The following SLC35E4 variants were observed in gnomAD, a reference collection of about 807,000 sequenced individuals.
SLC35E4 encodes solute carrier family 35, member E4.
A neutral mutation model predicts 19.3 loss-of-function variants in SLC35E4; 15 were observed. The ratio of observed to expected loss-of-function variants is 0.78; its 90% CI spans 0.52 to 1.20. SLC35E4 has a LOEUF of 1.20. Ranked by LOEUF, SLC35E4 falls within the 50% of genes most tolerant of loss-of-function variation. The pLI, the probability that SLC35E4 is intolerant of heterozygous loss-of-function variation, is 0.00. For missense variants in SLC35E4, 406 were observed against 472.3 expected, an observed-to-expected ratio of 0.86 and a Z score of 1.30; for synonymous variants, 219 against 219.9, an observed-to-expected ratio of 1.00 and a Z score of 0.04.
chr22:30,641,174 AGAGT>A (rs1212272368), intron 1 of SLC35E4, among the ~76,000 whole-genome samples: 1 of 152,184 alleles, frequency 6.6e-6, no homozygotes, highest in Non-Finnish European at 1.5e-5. Context: ...CTGCTGAGAA[AGAGT>A]CAGTGCTTCT....
At chr22:30,666,535 T>C (rs1278117093), downstream of SLC35E4, among the ~76,000 whole-genome samples, 1 of 144,718 alleles carries the variant, frequency 6.9e-6, no homozygotes, top group Non-Finnish European at 1.5e-5. Flanking sequence ...GACGGGAGAA[T>C]TGCTTGAACC....
At chr22:30,657,779 C>T (rs1439278043) in intron 2 of SLC35E4, among the ~76,000 whole-genome samples, 2 of 151,580 alleles carry the variant, frequency 1.3e-5, no homozygotes, top group African/African-American at 4.8e-5. Flanking sequence ...TGGCGGGCAC[C>T]TGTAGTCCCA....
intron 2 of SLC35E4, among the ~76,000 whole-genome samples, chr22:30,660,366 C>T (rs537614206): frequency 9.2e-5 from 14 of 152,020 alleles, no homozygotes; most frequent in South Asian, 6.2e-4. Flanking sequence ...AGCAGAGGCA[C>T]GATCTTGGCT....
chr22:30,652,322 C>T (rs923758790), downstream of SLC35E4: 7 of 152,180 alleles, frequency 4.6e-5, no homozygotes, highest in African/African-American at 1.7e-4. Flanking sequence ...AAGCACTGAT[C>T]TTAGGAGCAG....
chr22:30,664,117 C>T (rs2088571254), downstream of SLC35E4: 1 of 976,132 alleles, frequency 1.0e-6, no homozygotes, highest in Non-Finnish European at 1.5e-6. Flanking sequence ...GGGCAGGTGC[C>T]CAGAGGGCCA....
In SLC35E4 at chr22:30,638,022, C is replaced by T. The variant is rs546325256; in HGVS notation, c.619+953C>T. On this transcript the variant is annotated intron_variant, in intron 1 of 1. Transcript: ENST00000343605. The stretch of plus-strand genomic sequence containing the variant: ...TGACCTTGAGTTGTCATGGCAACCA[C>T]CAACTTTATCCCCATTTTACAGATG... Among the ~76,000 whole-genome samples, 12 of 152,226 alleles carry T rather than the reference C, an allele frequency of 7.9e-5. 1 individual carries two copies. The South Asian group carries it at 2.1e-3, about 26-fold the overall frequency.
downstream of SLC35E4, among the ~76,000 whole-genome samples, chr22:30,664,730 A>T (rs2088588475): frequency 6.6e-6 from 1 of 152,270 alleles, no homozygotes; most frequent in African/African-American, 2.4e-5. Context: ...GTCAAATACA[A>T]AGTCCTAAAT....
downstream of SLC35E4, among the ~76,000 whole-genome samples, chr22:30,666,231 G>A (rs1009533694): frequency 2.0e-5 from 3 of 152,214 alleles, no homozygotes; most frequent in Non-Finnish European, 4.4e-5. Context: ...ATAGAGGAAT[G>A]TGCTGTTCAT....
chr22:30,647,307 A>G lies in SLC35E4; in HGVS notation c.*276A>G. ...CAGCTACATGGGAGGCTAAGGTGGG[A>G]GGATCACTTGAGCCCTGGAGATCGA... On this transcript the variant is annotated 3_prime_UTR_variant, in exon 2 of 2. Transcript: ENST00000343605. 1 of 429,044 alleles carries G rather than the reference A, an allele frequency of 2.3e-6. No homozygotes were observed. Among genetic ancestry groups the G allele is most frequent in the Non-Finnish European group, 4.2e-6 (1 of 239,008 alleles). 26.6% of individuals were successfully genotyped at this position (429,044 alleles called of 1,614,324 possible). A position where few individuals can be genotyped will look rare whatever the true frequency, so the allele number is the denominator to read the frequency against.
downstream of SLC35E4, among the ~76,000 whole-genome samples, chr22:30,649,805 C>G (rs1418382459): frequency 1.3e-5 from 2 of 149,812 alleles, no homozygotes; most frequent in Non-Finnish European, 3.0e-5. Context: ...GTACCACCCT[C>G]ATTTCTAGGC....
chr22:30,659,913 T>G (rs1325477531), intron 2 of SLC35E4, among the ~76,000 whole-genome samples: 1 of 152,170 alleles, frequency 6.6e-6, no homozygotes. Context: ...GTGAGAAGAA[T>G]TCAACCTATT....
At chr22:30,657,023 A>C (rs2088351013) in intron 2 of SLC35E4, among the ~76,000 whole-genome samples, 1 of 152,228 alleles carries the variant, frequency 6.6e-6, no homozygotes, top group Non-Finnish European at 1.5e-5. Context: ...CAACTATGAA[A>C]AAAATGCTCA....
chr22:30,649,137 G>T, downstream of SLC35E4: 1 of 715,372 alleles, frequency 1.4e-6, no homozygotes, highest in Non-Finnish European at 2.6e-6. Flanking sequence ...CTGCCCACCT[G>T]ACTGGGAGCC....
chr22:30,657,728 C>G (rs1226450652), intron 2 of SLC35E4, among the ~76,000 whole-genome samples: 1 of 150,808 alleles, frequency 6.6e-6, no homozygotes, highest in Non-Finnish European at 1.5e-5. Flanking sequence ...CACGGTGAAA[C>G]CCCATCTCTA....
intron 1 of SLC35E4, among the ~76,000 whole-genome samples, chr22:30,644,054 A>G (rs2088088523): frequency 6.6e-6 from 1 of 152,084 alleles, no homozygotes; most frequent in South Asian, 2.1e-4. Context: ...AGAGGGTGAA[A>G]TTTACCAAAG....
At chr22:30,667,420 G>C (rs2088716721), downstream of SLC35E4, 1 of 152,220 alleles carries the variant, frequency 6.6e-6, no homozygotes, top group Non-Finnish European at 1.5e-5. Flanking sequence ...CATTGGAATA[G>C]GCTTCTTCGC....
downstream of SLC35E4, among the ~76,000 whole-genome samples, chr22:30,666,519 G>A (rs922947893): frequency 6.6e-6 from 1 of 150,630 alleles, no homozygotes; most frequent in African/African-American, 2.5e-5. Flanking sequence ...CTACTCAGGA[G>A]GCTGAGACGG....
rs2088139832 is a variant in SLC35E4 at position 30,646,835 on chromosome 22, T to A, written c.857T>A (p.Val286Asp). 2 of 1,614,096 alleles carry A rather than the reference T, an allele frequency of 1.2e-6. No homozygotes were observed. The highest frequency in any genetic ancestry group is 3.3e-5 in the Admixed American group (2 of 60,004). The stretch of plus-strand genomic sequence containing the variant: ...CTCACCTCTGCCCTCACCGTCCACG[T>A]CCTGGGCAACCTCACCGTGGTGGGC... ...LALTSALTVH[V>D]LGNLTVVGNL... The change falls in exon 2 of 2, where the codon GTC (valine) becomes GAC (aspartate). Residue 286 changes from valine to aspartate, a missense_variant. Coordinates refer to ENST00000343605, the MANE Select transcript of SLC35E4 (RefSeq NM_001001479.4).
intron 1 of SLC35E4, among the ~76,000 whole-genome samples, chr22:30,640,297 G>A (rs1234197291): frequency 6.6e-6 from 1 of 151,356 alleles, no homozygotes; most frequent in Non-Finnish European, 1.5e-5. Context: ...CTTGAACCCA[G>A]GAGGCAGAGG....
Sources: allele counts gnomAD v4.1 joint callset (sites outside exome capture counted in the v4.1 genomes callset), GRCh38; gene constraint gnomAD v4.1.1; transcripts MANE v1.5; gene names NCBI Gene and HGNC (gene_info 2026-07-23, HGNC 2026-07-21).